The following SLC38A2 variants were observed in gnomAD, a reference collection of about 807,000 sequenced individuals.
SLC38A2 encodes the protein sodium-coupled neutral amino acid symporter 2.
In SLC38A2, 11 loss-of-function variants were observed where a neutral mutation model predicts 61.5. That is an observed-to-expected ratio of 0.18 (90% confidence interval 0.11 to 0.30). The LOEUF is 0.30. Among genes scored for constraint, SLC38A2 ranks in the 10% least tolerant of loss-of-function variants. The pLI is 1.00. For synonymous variants in SLC38A2, 217 were observed against 212.5 expected, an observed-to-expected ratio of 1.02 and a Z score of -0.18; for missense variants, 522 against 600.4, an observed-to-expected ratio of 0.87 and a Z score of 1.36.
chr12:46,363,033 T>C lies in SLC38A2; in HGVS notation c.1167A>G (p.Val389=). Residue 389 remains valine, a synonymous_variant, in exon 13 of 16, where the codon GTA becomes GTG. Coordinates refer to ENST00000256689, the MANE Select transcript of SLC38A2 (RefSeq NM_018976.5). ...AGTGATTACTTACTGGGAAAATAAC[T>C]ACTGGTACTGTCAGGGTCACAGCCA... ...VLMAVTLTVP[V]VIFPIRSSVT... is the part of the protein sequence containing the mutation. 6.2e-7 allele frequency: 1 copy of C among 1,612,862 alleles called. No individual in the cohort carries two copies. Among genetic ancestry groups the C allele is most frequent in the South Asian group, 1.1e-5 (1 of 91,044 alleles).
rs1943073742 is a variant in SLC38A2 at position 46,360,907 on chromosome 12, A to G, written c.*204T>C. 3.9e-6 allele frequency: 2 copies of G among 516,320 alleles called. No individual in the cohort carries two copies. The highest frequency in any genetic ancestry group is 6.4e-5 in the South Asian group (2 of 31,150). 32.0% of individuals were successfully genotyped at this position (516,320 alleles called of 1,614,324 possible). On this transcript the variant is annotated 3_prime_UTR_variant, in exon 16 of 16. Transcript: ENST00000256689. ...CCCGAGACTCGTGGTTTTGTTGTTC[A>G]TATCCATTTCTAACATACAGATAAG...
chr12:46,372,365 G>A, intron 1 of SLC38A2, 144 bp downstream of exon 1: 2 of 242,002 alleles, frequency 8.3e-6, no homozygotes, highest in Non-Finnish European at 1.6e-5. Context: ...AGGGTGGAAG[G>A]CTGGCCAGCC....
intron 4 of SLC38A2, among the ~76,000 whole-genome samples, 159 bp downstream of exon 4, chr12:46,370,353 G>A (rs537714123): frequency 3.7e-4 from 57 of 152,306 alleles, no homozygotes; most frequent in African/African-American, 1.3e-3. Flanking sequence ...GCAGTATGTA[G>A]TAGAATAAAG....
chr12:46,364,249 C>T, intron 10 of SLC38A2, 140 bp downstream of exon 10: 1 of 967,984 alleles, frequency 1.0e-6, no homozygotes. Context: ...CCAAAACTTT[C>T]TTCACAGTCC....
intron 12 of SLC38A2, 33 bp downstream of exon 12, chr12:46,363,693 T>C: frequency 7.1e-7 from 1 of 1,414,738 alleles, no homozygotes; most frequent in Non-Finnish European, 9.6e-7. Context: ...TTTTTGTTTT[T>C]GTTTTTGTTT....
chr12:46,358,812 TG>T lies in SLC38A2; in HGVS notation c.*2298del. 6.5e-6 allele frequency: 1 copy of T among 152,748 alleles called. No individual in the cohort carries two copies. The highest frequency in any genetic ancestry group is 2.1e-4 in the South Asian group (1 of 4,828). 9.5% of individuals were successfully genotyped at this position (152,748 alleles called of 1,614,324 possible). A position where few individuals can be genotyped will look rare whatever the true frequency, so the allele number is the denominator to read the frequency against. Reference sequence around the variant, plus strand: ...GTTGTTCTATAAATAACATTACAGTTGTAACTGAAACATCCACGGAAGACAG... The same window carrying T: ...GTTGTTCTATAAATAACATTACAGTTTAACTGAAACATCCACGGAAGACAG... On this transcript the variant is annotated 3_prime_UTR_variant, in exon 16 of 16. Transcript: ENST00000256689.
rs777073725 is a variant in SLC38A2 at position 46,364,043 on chromosome 12, G to C, written c.874-40C>G. On this transcript the variant is annotated intron_variant, in intron 10 of 15. Coordinates refer to ENST00000256689, the MANE Select transcript of SLC38A2 (RefSeq NM_018976.5). ...AAAAATCTACTTAATCTGATGTAAC[G>C]AACTCATGCTGTCACATTTCCGCAG... The C allele has an allele frequency of 2.7e-6, 4 of 1,500,178 alleles. No individual in the cohort carries two copies. In the South Asian group the frequency reaches 4.9e-5, roughly 18 times the overall value. The allele number at this position is 1,500,178 out of a possible 1,614,324, so 92.9% of individuals were successfully genotyped here.
intron 4 of SLC38A2, among the ~76,000 whole-genome samples, chr12:46,369,739 T>C (rs1322512857): frequency 3.3e-5 from 5 of 151,906 alleles, no homozygotes; most frequent in Non-Finnish European, 5.9e-5. Context: ...TTTTCTATCA[T>C]ATTCTCCAAG....
At chr12:46,363,230 T>A (rs1217326056) in intron 12 of SLC38A2, 85 bp from the exon 13 acceptor site, 1 of 1,430,586 alleles carries the variant, frequency 7.0e-7, no homozygotes, top group East Asian at 2.3e-5. Context: ...GTGCACCAGT[T>A]ATTTAGCTAC....
chr12:46,367,556 T>C, intron 4 of SLC38A2: 1 of 586,230 alleles, frequency 1.7e-6, no homozygotes, highest in Non-Finnish European at 3.1e-6. Flanking sequence ...GTGATAGTTC[T>C]ACAGCATTGG....
At chr12:46,370,458 G>T (rs1435601394) in intron 4 of SLC38A2, 54 bp downstream of exon 4, 5 of 1,337,182 alleles carry the variant, frequency 3.7e-6, no homozygotes, top group Non-Finnish European at 5.4e-6. Context: ...GCCAAAATAT[G>T]TTTTACCATA....
In SLC38A2 at chr12:46,362,356, A is replaced by G. The variant is rs1161046985; in HGVS notation, c.1350T>C (p.Ile450=). The change falls in exon 15 of 16, where the codon ATT becomes ATC. Residue 450 remains isoleucine, a synonymous_variant. Coordinates refer to ENST00000256689, the MANE Select transcript of SLC38A2 (RefSeq NM_018976.5). ...FIGASAASML[I]FILPSAFYIK... ...TATAGAAGGCAGAAGGAAGAATAAA[A>G]ATCAACATAGAAGCTGCAGATGCAC... is the stretch of plus-strand genomic sequence containing the variant. The G allele has an allele frequency of 6.2e-7, 1 of 1,612,062 alleles. No individual in the cohort carries two copies. Among genetic ancestry groups the G allele is most frequent in the Non-Finnish European group, 8.5e-7 (1 of 1,179,110 alleles).
Position 46,361,161 on chromosome 12 carries a change from C to T in SLC38A2, c.1471G>A (p.Ala491Thr), listed in dbSNP as rs1414371644. Residue 491 changes from alanine to threonine, a missense_variant, in exon 16 of 16, where the codon GCC becomes ACC. Physicochemically the swap from Ala to Thr is moderately conservative, Grantham distance 58 (BLOSUM62 0). Coordinates refer to ENST00000256689, the MANE Select transcript of SLC38A2 (RefSeq NM_018976.5). ...TGTACCCAATCCAAAACAATCAAGG[C>T]CATGCTTCCGGTCATCACCAGTACA... Reference protein sequence around the residue: ...SGVLVMTGSMALIVLDWVHNA... With the variant: ...SGVLVMTGSMTLIVLDWVHNA... 3 of 1,613,612 alleles carry T rather than the reference C, an allele frequency of 1.9e-6. No homozygotes were observed. The highest frequency in any genetic ancestry group is 2.2e-5 in the East Asian group (1 of 44,866).
rs1320475401 is a variant in SLC38A2, at chr12:46,360,966, C to T, written c.*145G>A. 1 of 598,614 alleles carries T rather than the reference C, an allele frequency of 1.7e-6. No homozygotes were observed. The highest frequency in any genetic ancestry group is 2.9e-6 in the Non-Finnish European group (1 of 348,006). The allele number at this position is 598,614 out of a possible 1,614,324, so 37.1% of individuals were successfully genotyped here. ...AAAAACAAAACAAAACAAAAAAGTT[C>T]ACTTATTCTGCACTCAGAAGAACCA... On this transcript the variant is annotated 3_prime_UTR_variant, in exon 16 of 16. Coordinates refer to ENST00000256689, the MANE Select transcript of SLC38A2 (RefSeq NM_018976.5).
At position 46,361,064 on chromosome 12, in the gene SLC38A2, T is replaced by C; in HGVS notation, c.*47A>G. On this transcript the variant is annotated 3_prime_UTR_variant, in exon 16 of 16. Coordinates refer to ENST00000256689, the MANE Select transcript of SLC38A2 (RefSeq NM_018976.5). ...GAAATTTCATAGTAGTTGAGTTTAC[T>C]CAACACTGGCATCAGATGGACTGAG... 7 of 1,455,528 alleles carry C rather than the reference T, an allele frequency of 4.8e-6. No homozygotes were observed. Among genetic ancestry groups the C allele is most frequent in the South Asian group, 1.2e-5 (1 of 85,752 alleles). The allele number at this position is 1,455,528 out of a possible 1,614,324, so 90.2% of individuals were successfully genotyped here. A position where few individuals can be genotyped will look rare whatever the true frequency, so the allele number is the denominator to read the frequency against.
At position 46,364,166 on chromosome 12, in the gene SLC38A2, T is replaced by C. The variant is rs567573033; in HGVS notation, c.874-163A>G. 3.4e-4 allele frequency among the ~76,000 whole-genome samples: 51 copies of C among 152,118 alleles called. No homozygotes were observed. Among genetic ancestry groups the C allele is most frequent in the Non-Finnish European group, 7.5e-4 (51 of 67,952 alleles). Reference sequence around the variant, plus strand: ...ATCTGTTCATGAAGTATGATCAATATCCTCACTTCTGAATGTGTCAATTAT... The same window carrying C: ...ATCTGTTCATGAAGTATGATCAATACCCTCACTTCTGAATGTGTCAATTAT... On this transcript the variant is annotated intron_variant, in intron 10 of 15. Coordinates refer to ENST00000256689, the MANE Select transcript of SLC38A2 (RefSeq NM_018976.5).
At chr12:46,365,670 C>T (rs755681845) in intron 7 of SLC38A2, among the ~76,000 whole-genome samples, 2 of 151,968 alleles carry the variant, frequency 1.3e-5, no homozygotes, top group Non-Finnish European at 1.5e-5. Context: ...AATGAGGAAA[C>T]GTTTTCATAA....
chr12:46,364,775 G>A lies in SLC38A2; in HGVS notation c.647-73C>T, dbSNP rs888257614. The A allele has an allele frequency of 4.9e-6, 7 of 1,432,552 alleles. No homozygotes were observed. In the Admixed American group the frequency reaches 6.0e-5, roughly 12 times the overall value. The allele number at this position is 1,432,552 out of a possible 1,614,324, so 88.7% of individuals were successfully genotyped here. A position where few individuals can be genotyped will look rare whatever the true frequency, so the allele number is the denominator to read the frequency against. On this transcript the variant is annotated intron_variant, in intron 8 of 15. Coordinates refer to ENST00000256689, the MANE Select transcript of SLC38A2 (RefSeq NM_018976.5). ...TTAAGGCAAATATCTTTTTCCCACT[G>A]AATAACTCAATTCTGCTGGGAAGAC... is the stretch of plus-strand genomic sequence containing the variant.
chr12:46,370,220 T>C (rs914632112), intron 4 of SLC38A2, among the ~76,000 whole-genome samples: 6 of 152,254 alleles, frequency 3.9e-5, no homozygotes, highest in Non-Finnish European at 5.9e-5. Flanking sequence ...CATAGTTTTT[T>C]TAATATCTAC....
Sources: gnomAD v4.1 joint callset for allele counts (sites outside exome capture counted in the v4.1 genomes callset) on GRCh38, gnomAD v4.1.1 for gene constraint, MANE v1.5 for transcripts, NCBI Gene and HGNC (gene_info 2026-07-23, HGNC 2026-07-21) for gene names.